The following LRBA variants were observed in gnomAD, a reference collection of about 807,000 sequenced individuals.
The protein encoded by LRBA is LPS responsive beige-like anchor protein.
LRBA carries 176 observed loss-of-function variants against 330.0 expected under a neutral mutation model. That is an observed-to-expected ratio of 0.53 (90% CI 0.47 to 0.60). The LOEUF (loss-of-function observed/expected upper bound fraction) is 0.60. LRBA is among the 20% of genes least tolerant of loss of function. The pLI is 0.00. For synonymous variants in LRBA, 1,230 were observed against 1,193.0 expected (o/e 1.03, Z -0.64); for missense variants, 3,259 against 3,444.8 (o/e 0.95, Z 1.35).
intron 37 of LRBA, among the ~76,000 whole-genome samples, chr4:150,629,812 A>T (rs190280408): frequency 2.8e-3 from 424 of 152,060 alleles, no homozygotes; most frequent in Non-Finnish European, 4.5e-3. Flanking sequence ...TCTACTAAAA[A>T]TACAAAAAAT....
At chr4:150,449,490 ACT>A (rs1181254440) in intron 44 of LRBA, among the ~76,000 whole-genome samples, 1 of 151,238 alleles carries the variant, frequency 6.6e-6, no homozygotes, top group Non-Finnish European at 1.5e-5. Flanking sequence ...CAAGCCTGGC[ACT>A]GAGTTACCAA....
At chr4:150,928,161 G>GT (rs1734083236) in intron 4 of LRBA, among the ~76,000 whole-genome samples, 1 of 152,176 alleles carries the variant, frequency 6.6e-6, no homozygotes, top group Non-Finnish European at 1.5e-5. Context: ...AGTTACTCAA[G>GT]TTTAAGCCAC....
intron 42 of LRBA, among the ~76,000 whole-genome samples, chr4:150,482,057 T>A (rs539762371): frequency 1.3e-5 from 2 of 152,104 alleles, no homozygotes; most frequent in African/African-American, 4.8e-5. Context: ...ATAATTTACA[T>A]AGAGAAAAAT....
chr4:150,513,158 A>G (rs1048483006), intron 40 of LRBA, among the ~76,000 whole-genome samples: 2 of 152,236 alleles, frequency 1.3e-5, no homozygotes, highest in Admixed American at 1.3e-4. Flanking sequence ...AGATGGATGG[A>G]AAGACCACCT....
chr4:150,502,909 C>T (rs1161692004), intron 40 of LRBA, among the ~76,000 whole-genome samples: 4 of 152,224 alleles, frequency 2.6e-5, no homozygotes, highest in Non-Finnish European at 5.9e-5. Flanking sequence ...GATTATATCC[C>T]GCACCTGACT....
At chr4:150,517,320 G>C (rs1050962930) in intron 40 of LRBA, among the ~76,000 whole-genome samples, 1 of 152,010 alleles carries the variant, frequency 6.6e-6, no homozygotes, top group African/African-American at 2.4e-5. Context: ...CCAGGAGTTC[G>C]AGACCAGCCT....
chr4:150,590,655 A>G, intron 39 of LRBA, 58 bp downstream of exon 39: 1 of 1,503,234 alleles, frequency 6.7e-7, no homozygotes, highest in Non-Finnish European at 9.1e-7. Flanking sequence ...AAAAGTAAGT[A>G]ATTATATGCT....
Position 150,638,089 on chromosome 4 carries a change from TTTAA to T in LRBA, c.5922-38962_5922-38959del, listed in dbSNP as rs1471220406. 5.4e-5 allele frequency among the ~76,000 whole-genome samples: 8 copies of T among 149,218 alleles called. No individual in the cohort carries two copies. In the East Asian group the frequency reaches 5.9e-4, roughly 11 times the overall value. On this transcript the variant is annotated intron_variant, in intron 37 of 56. Coordinates refer to ENST00000651943, the MANE Select transcript of LRBA (RefSeq NM_001364905.1). ...TAATATTCTATTTGTTTACAATTTC[TTTAA>T]TTATTTTTTTTTTTTGCAACCTCTG...
chr4:150,612,705 T>C (rs1775393188), intron 37 of LRBA, among the ~76,000 whole-genome samples: 3 of 152,192 alleles, frequency 2.0e-5, no homozygotes, highest in South Asian at 2.1e-4. Flanking sequence ...AAAGAACTGG[T>C]TGAGGTGCCT....
chr4:150,292,995 T>TA (rs1204114962), intron 53 of LRBA, among the ~76,000 whole-genome samples: 1 of 151,880 alleles, frequency 6.6e-6, no homozygotes, highest in Non-Finnish European at 1.5e-5. Context: ...CCTGGCTTTA[T>TA]AAAAAAAGTA....
chr4:150,700,873 T>C (rs1484387651), intron 36 of LRBA, among the ~76,000 whole-genome samples: 8 of 151,974 alleles, frequency 5.3e-5, no homozygotes. Flanking sequence ...TTCTCCCACT[T>C]CAGCTTTCTG....
At chr4:150,609,566 G>A (rs1046783588) in intron 37 of LRBA, among the ~76,000 whole-genome samples, 3 of 152,178 alleles carry the variant, frequency 2.0e-5, no homozygotes, top group African/African-American at 7.2e-5. Context: ...TTCACTTGGT[G>A]CAAGATTTCT....
intron 23 of LRBA, among the ~76,000 whole-genome samples, 183 bp downstream of exon 23, chr4:150,851,702 A>T (rs1750638658): frequency 6.6e-6 from 1 of 152,240 alleles, no homozygotes; most frequent in Non-Finnish European, 1.5e-5. Context: ...TCATTTAATG[A>T]ACTCACATTA....
At chr4:150,451,381 C>T (rs1307276810) in intron 44 of LRBA, among the ~76,000 whole-genome samples, 3 of 152,090 alleles carry the variant, frequency 2.0e-5, no homozygotes, top group African/African-American at 7.2e-5. Context: ...TGGAATTAAA[C>T]TAGAAATAAA....
chr4:150,789,507 T>G (rs974353033), intron 34 of LRBA, among the ~76,000 whole-genome samples: 32 of 152,152 alleles, frequency 2.1e-4, no homozygotes, highest in Non-Finnish European at 1.0e-4. Flanking sequence ...AATAATAATT[T>G]TATCGCAGCA....
intron 33 of LRBA, among the ~76,000 whole-genome samples, chr4:150,805,867 G>C (rs958189724): frequency 2.0e-5 from 3 of 152,084 alleles, no homozygotes; most frequent in Non-Finnish European, 4.4e-5. Context: ...GTAAAATGCT[G>C]TTATCTCTAT....
At chr4:150,365,955 C>T (rs773565870) in intron 47 of LRBA, among the ~76,000 whole-genome samples, 3 of 152,220 alleles carry the variant, frequency 2.0e-5, no homozygotes, top group South Asian at 2.1e-4. Flanking sequence ...ATTGGTTCTA[C>T]GTTTCTGTTA....
intron 2 of LRBA, among the ~76,000 whole-genome samples, chr4:150,965,632 TG>T (rs1738791689): frequency 6.6e-6 from 1 of 151,996 alleles, no homozygotes; most frequent in South Asian, 2.1e-4. Flanking sequence ...CACAACCTCC[TG>T]GGCTCAAGGG....
intron 34 of LRBA, among the ~76,000 whole-genome samples, chr4:150,792,823 G>A (rs1740169472): frequency 6.6e-6 from 1 of 152,184 alleles, no homozygotes; most frequent in Admixed American, 6.5e-5. Flanking sequence ...GCTCAGGCCT[G>A]TAATCCCAGC....
Sources: allele counts gnomAD v4.1 joint callset (sites outside exome capture counted in the v4.1 genomes callset), GRCh38; gene constraint gnomAD v4.1.1; transcripts MANE v1.5; gene names NCBI Gene and HGNC (gene_info 2026-07-23, HGNC 2026-07-21).